The following PFDN1 variants were observed in gnomAD, a reference collection of about 807,000 sequenced individuals.
PFDN1 encodes the protein prefoldin 1.
Under a neutral mutation model 17.3 loss-of-function variants are expected in PFDN1, and 6 were observed. The observed-to-expected ratio is 0.35, with a 90% CI of 0.19 to 0.69. The LOEUF (loss-of-function observed/expected upper bound fraction) is 0.69. Ranked by LOEUF, PFDN1 falls within the 30% of genes least tolerant of loss-of-function variation. PFDN1 has a pLI of 0.65. For missense variants in PFDN1, 113 were observed against 146.2 expected, an observed-to-expected ratio of 0.77 and a Z score of 1.17; for synonymous variants, 58 against 50.1, an observed-to-expected ratio of 1.16 and a Z score of -0.67.
intron 2 of PFDN1, among the ~76,000 whole-genome samples, chr5:140,284,326 T>C (rs1052895495): frequency 6.6e-6 from 1 of 152,208 alleles, no homozygotes; most frequent in Non-Finnish European, 1.5e-5. Context: ...AAAGAGTAGT[T>C]ACACAGTAAA....
At chr5:140,273,155 G>A (rs1456060156) in intron 3 of PFDN1, among the ~76,000 whole-genome samples, 1 of 150,174 alleles carries the variant, frequency 6.7e-6, no homozygotes, top group African/African-American at 2.5e-5. Context: ...TGAGGCAGAA[G>A]AATCGCTTGA....
intron 2 of PFDN1, among the ~76,000 whole-genome samples, chr5:140,284,856 C>T (rs1765461023): frequency 6.6e-6 from 1 of 152,192 alleles, no homozygotes. Flanking sequence ...TTGTAACCTG[C>T]TATTTCACTT....
At chr5:140,282,084 G>A (rs1765411534) in intron 2 of PFDN1, 1 of 151,926 alleles carries the variant, frequency 6.6e-6, no homozygotes, top group Non-Finnish European at 1.5e-5. Flanking sequence ...CTACTAGGGA[G>A]GCTGAGGTGG....
intron 3 of PFDN1, among the ~76,000 whole-genome samples, chr5:140,273,146 G>C (rs529484519): frequency 6.6e-6 from 1 of 151,822 alleles, no homozygotes; most frequent in South Asian, 2.1e-4. Flanking sequence ...TCAGGAGGTT[G>C]AGGCAGAAGA....
At chr5:140,280,217 T>C (rs1157932166) in intron 3 of PFDN1, among the ~76,000 whole-genome samples, 2 of 150,336 alleles carry the variant, frequency 1.3e-5, no homozygotes, top group Admixed American at 1.3e-4. Context: ...TATTATTCAT[T>C]AGGATAATTT....
At chr5:140,279,902 G>A (rs1406306033) in intron 3 of PFDN1, among the ~76,000 whole-genome samples, 1 of 149,904 alleles carries the variant, frequency 6.7e-6, no homozygotes, top group African/African-American at 2.5e-5. Flanking sequence ...AGCTGAGACA[G>A]GAGAATCGCT....
intron 1 of PFDN1, among the ~76,000 whole-genome samples, 181 bp from the exon 2 acceptor site, chr5:140,300,763 C>T (rs931779929): frequency 4.6e-5 from 7 of 152,134 alleles, no homozygotes; most frequent in African/African-American, 1.7e-4. Flanking sequence ...ACTGAATTTA[C>T]AATCATCAGA....
chr5:140,302,851 C>T (rs1765768498), intron 1 of PFDN1, among the ~76,000 whole-genome samples, 190 bp downstream of exon 1: 1 of 152,148 alleles, frequency 6.6e-6, no homozygotes, highest in Non-Finnish European at 1.5e-5. Context: ...CGGCTCCTAC[C>T]CAGCAAGAGC....
chr5:140,293,696 T>A (rs1446527482), intron 2 of PFDN1, among the ~76,000 whole-genome samples: 1 of 152,056 alleles, frequency 6.6e-6, no homozygotes, highest in African/African-American at 2.4e-5. Context: ...AACAGTGATG[T>A]CATTCTAGAC....
At chr5:140,267,324 T>G in intron 3 of PFDN1, among the ~76,000 whole-genome samples, 1 of 152,236 alleles carries the variant, frequency 6.6e-6, no homozygotes, top group East Asian at 1.9e-4. Flanking sequence ...TCACTCTCCC[T>G]CTCTTAAAAG....
At chr5:140,250,514 T>C (rs1007857244) in intron 3 of PFDN1, among the ~76,000 whole-genome samples, 14 of 152,204 alleles carry the variant, frequency 9.2e-5, no homozygotes, top group Non-Finnish European at 4.4e-5. Flanking sequence ...TCCAGAGCTC[T>C]TTCCACCACA....
At position 140,281,437 on chromosome 5, in the gene PFDN1, A is replaced by G. The variant is rs910894492; in HGVS notation, c.285+12T>C. 1.6e-5 allele frequency: 21 copies of G among 1,286,880 alleles called. No individual in the cohort carries two copies. Among genetic ancestry groups the G allele is most frequent in the African/African-American group, 4.4e-5 (3 of 68,704 alleles). 79.7% of individuals were successfully genotyped at this position (1,286,880 alleles called of 1,614,324 possible). A position where few individuals can be genotyped will look rare whatever the true frequency, so the allele number is the denominator to read the frequency against. On this transcript the variant is annotated intron_variant, in intron 3 of 3. Transcript: ENST00000261813. ...TCCCAAAAGTTAACTCCTATTGCCA[A>G]TAAAAACTTACTTCTAGTTCTTTAA...
At chr5:140,287,616 A>T (rs937718771) in intron 2 of PFDN1, among the ~76,000 whole-genome samples, 26 of 152,210 alleles carry the variant, frequency 1.7e-4, no homozygotes, top group Admixed American at 3.9e-4. Flanking sequence ...TGAGAAGGTC[A>T]GGAAGTACAG....
chr5:140,266,131 A>G (rs1320951422), intron 3 of PFDN1, among the ~76,000 whole-genome samples: 2 of 152,204 alleles, frequency 1.3e-5, no homozygotes, highest in African/African-American at 4.8e-5. Flanking sequence ...CATATGGGGA[A>G]GGAAGAGGAA....
chr5:140,297,027 A>G (rs545937710), intron 2 of PFDN1, among the ~76,000 whole-genome samples: 1 of 152,330 alleles, frequency 6.6e-6, no homozygotes, highest in African/African-American at 2.4e-5. Context: ...ATTCTGAAAG[A>G]TATGTGAAGA....
At chr5:140,265,342 T>A (rs1765120903) in intron 3 of PFDN1, among the ~76,000 whole-genome samples, 2 of 152,294 alleles carry the variant, frequency 1.3e-5, no homozygotes, top group East Asian at 3.9e-4. Flanking sequence ...ACCTCTGTGG[T>A]CCTGCTACAG....
chr5:140,303,035 T>C lies in PFDN1; in HGVS notation c.33+6A>G, dbSNP rs751124324. 1 of 1,607,530 alleles carries C rather than the reference T, an allele frequency of 6.2e-7. No individual in the cohort carries two copies. Among genetic ancestry groups the C allele is most frequent in the Non-Finnish European group, 8.5e-7 (1 of 1,173,946 alleles). ...AGACCTCCGCCTGCCAAAGACCCTC[T>C]TTTACCTTCTTCAGCTCTAGATCCA... On this transcript the variant is annotated splice_donor_region_variant and intron_variant, in intron 1 of 3. Transcript: ENST00000261813.
intron 3 of PFDN1, among the ~76,000 whole-genome samples, chr5:140,256,183 A>G (rs1764983325): frequency 6.6e-6 from 1 of 151,916 alleles, no homozygotes; most frequent in African/African-American, 2.4e-5. Context: ...GCTGTCCTGG[A>G]ACTCCTCCTC....
At chr5:140,272,711 G>A (rs1765225807) in intron 3 of PFDN1, among the ~76,000 whole-genome samples, 1 of 152,166 alleles carries the variant, frequency 6.6e-6, no homozygotes, top group African/African-American at 2.4e-5. Flanking sequence ...TAGGGAAGTA[G>A]TTACTTGATG....
Sources: allele counts gnomAD v4.1 joint callset (sites outside exome capture counted in the v4.1 genomes callset), GRCh38; gene constraint gnomAD v4.1.1; transcripts MANE v1.5; gene names NCBI Gene and HGNC (gene_info 2026-07-23, HGNC 2026-07-21).